The following HS3ST5 variants were observed in gnomAD, a reference collection of about 807,000 sequenced individuals.
The protein encoded by HS3ST5 is heparan sulfate glucosamine 3-O-sulfotransferase 5.
A neutral mutation model predicts 25.4 loss-of-function variants in HS3ST5; 10 were observed. The ratio of observed to expected loss-of-function variants is 0.39; its 90% CI spans 0.24 to 0.67. The LOEUF (loss-of-function observed/expected upper bound fraction) is 0.67. Ranked by LOEUF, HS3ST5 falls within the 30% of genes least tolerant of loss-of-function variation. The pLI is 0.44. For synonymous variants in HS3ST5, 170 were observed against 162.4 expected (o/e 1.05, Z -0.36); for missense variants, 324 against 420.7 (o/e 0.77, Z 2.01).
chr6:114,224,362 T>G (rs572946452), intron 2 of HS3ST5, among the ~76,000 whole-genome samples: 1 of 151,682 alleles, frequency 6.6e-6, no homozygotes. Context: ...TTGGGTAACT[T>G]CAAAATATAA....
intron 3 of HS3ST5, among the ~76,000 whole-genome samples, chr6:114,115,816 T>C (rs1776497240): frequency 6.6e-6 from 1 of 152,004 alleles, no homozygotes; most frequent in Admixed American, 6.6e-5. Context: ...TGGTGAAGGG[T>C]AAGTATTTTA....
intron 1 of HS3ST5, among the ~76,000 whole-genome samples, chr6:114,262,448 G>A (rs1167695356): frequency 2.0e-5 from 3 of 152,184 alleles, no homozygotes; most frequent in South Asian, 4.2e-4. Context: ...TTGGGAGGCT[G>A]AGGCAGGAGA....
In HS3ST5 at chr6:114,168,480, G is replaced by C. The variant is rs1053761543; in HGVS notation, c.-144-18C>G. ...TTTAGCACCTGGGGGTGGACAAGGAGGCAAAGTGATTTTCCAATTAAGTCT... is the reference window on the plus strand; with the variant it reads ...TTTAGCACCTGGGGGTGGACAAGGACGCAAAGTGATTTTCCAATTAAGTCT... On this transcript the variant is annotated intron_variant, in intron 2 of 4. Coordinates refer to ENST00000312719, the MANE Select transcript of HS3ST5 (RefSeq NM_153612.4). The C allele has an allele frequency of 6.6e-6, 1 of 152,222 alleles. No homozygotes were observed. Among genetic ancestry groups the C allele is most frequent in the Non-Finnish European group, 1.5e-5 (1 of 68,072 alleles). The allele number at this position is 152,222 out of a possible 1,614,324, so 9.4% of individuals were successfully genotyped here.
At chr6:114,066,607 T>A (rs1290910027) in intron 3 of HS3ST5, among the ~76,000 whole-genome samples, 1 of 152,106 alleles carries the variant, frequency 6.6e-6, no homozygotes, top group Non-Finnish European at 1.5e-5. Flanking sequence ...CACTCCAGCC[T>A]GGGTGACAGA....
intron 3 of HS3ST5, among the ~76,000 whole-genome samples, chr6:114,126,699 A>G (rs1777055180): frequency 6.6e-6 from 1 of 152,152 alleles, no homozygotes; most frequent in Non-Finnish European, 1.5e-5. Flanking sequence ...ACTCATCTGT[A>G]GAGTATTTCC....
At chr6:114,323,364 TG>T (rs1042290177) in intron 1 of HS3ST5, among the ~76,000 whole-genome samples, 2 of 152,048 alleles carry the variant, frequency 1.3e-5, no homozygotes, top group African/African-American at 4.8e-5. Context: ...TTTTATGTGT[TG>T]GGGGTGATAC....
At position 114,193,842 on chromosome 6, in the gene HS3ST5, AG is replaced by A. The variant is rs1162483951; in HGVS notation, c.-144-25381del. 9.8e-5 allele frequency among the ~76,000 whole-genome samples: 15 copies of A among 152,300 alleles called. 1 individual carries two copies. In the East Asian group the frequency reaches 2.9e-3, roughly 29 times the overall value. ...ATTATGGTTATACATTCCTTTGGAC[AG>A]GTACTCTCTTCTACAAATCAGAAAT... is the stretch of plus-strand genomic sequence containing the variant. On this transcript the variant is annotated intron_variant, in intron 2 of 4. Coordinates refer to ENST00000312719, the MANE Select transcript of HS3ST5 (RefSeq NM_153612.4).
chr6:114,294,301 G>A (rs1774715278), intron 1 of HS3ST5, among the ~76,000 whole-genome samples: 1 of 152,188 alleles, frequency 6.6e-6, no homozygotes, highest in South Asian at 2.1e-4. Flanking sequence ...TGTTTCTGAG[G>A]TATTCAGGCA....
At chr6:114,278,511 T>C (rs1196355870) in intron 1 of HS3ST5, among the ~76,000 whole-genome samples, 3 of 151,966 alleles carry the variant, frequency 2.0e-5, no homozygotes, top group African/African-American at 2.4e-5. Flanking sequence ...GGTCTTTTCA[T>C]ATTTATTTCT....
At chr6:114,183,192 T>A (rs1006047036) in intron 2 of HS3ST5, among the ~76,000 whole-genome samples, 6 of 152,274 alleles carry the variant, frequency 3.9e-5, no homozygotes, top group South Asian at 2.1e-4. Context: ...TCATCTTGAA[T>A]TGTAGCTCCC....
intron 1 of HS3ST5, among the ~76,000 whole-genome samples, chr6:114,341,258 A>AGAGAGAGAGAGAGAGAGT (rs1562281461): frequency 6.8e-6 from 1 of 147,846 alleles, no homozygotes; most frequent in African/African-American, 2.5e-5. Flanking sequence ...AGAGAGAGAG[A>AGAGAGAGAGAGAGAGAGT]GAGTGAGTCC....
At chr6:114,341,202 G>T (rs1562281348) in intron 1 of HS3ST5, among the ~76,000 whole-genome samples, 1 of 113,490 alleles carries the variant, frequency 8.8e-6, no homozygotes, top group Non-Finnish European at 1.9e-5. Flanking sequence ...GGGAGAGGGA[G>T]AGGGAATAGG....
intron 2 of HS3ST5, among the ~76,000 whole-genome samples, chr6:114,169,475 A>G (rs941515756): frequency 9.2e-5 from 14 of 152,112 alleles, no homozygotes; most frequent in African/African-American, 3.4e-4. Context: ...CAACCCCAAT[A>G]TTGCCCACAT....
intron 3 of HS3ST5, among the ~76,000 whole-genome samples, chr6:114,095,868 A>G (rs980967786): frequency 1.3e-5 from 2 of 152,086 alleles, no homozygotes; most frequent in Non-Finnish European, 2.9e-5. Context: ...GGTCCCTGTT[A>G]CATCTCTGGA....
At chr6:114,229,493 T>G (rs1320646838) in intron 1 of HS3ST5, among the ~76,000 whole-genome samples, 1 of 152,036 alleles carries the variant, frequency 6.6e-6, no homozygotes, top group Non-Finnish European at 1.5e-5. Context: ...AAACCCAGAG[T>G]ACACTGCATA....
chr6:114,073,236 G>T (rs1167707405), intron 3 of HS3ST5, among the ~76,000 whole-genome samples: 3 of 152,170 alleles, frequency 2.0e-5, no homozygotes, highest in Non-Finnish European at 4.4e-5. Context: ...CATGGGCAAA[G>T]ACTTCATGAC....
chr6:114,116,457 G>A (rs1776533773), intron 3 of HS3ST5, among the ~76,000 whole-genome samples: 1 of 152,078 alleles, frequency 6.6e-6, no homozygotes, highest in Non-Finnish European at 1.5e-5. Context: ...GTCTTTTCTT[G>A]CTTGGATTTT....
At chr6:114,244,695 T>G (rs954521321) in intron 1 of HS3ST5, among the ~76,000 whole-genome samples, 4 of 152,166 alleles carry the variant, frequency 2.6e-5, no homozygotes, top group African/African-American at 9.7e-5. Flanking sequence ...TCTGTTTCCC[T>G]TATAGTTATT....
chr6:114,113,543 A>G (rs1776372046), intron 3 of HS3ST5, among the ~76,000 whole-genome samples: 1 of 151,726 alleles, frequency 6.6e-6, no homozygotes, highest in Non-Finnish European at 1.5e-5. Flanking sequence ...CCTTCTTTCC[A>G]TTGATGTTTC....
Sources: allele counts gnomAD v4.1 joint callset (sites outside exome capture counted in the v4.1 genomes callset), GRCh38; gene constraint gnomAD v4.1.1; transcripts MANE v1.5; gene names NCBI Gene and HGNC (gene_info 2026-07-23, HGNC 2026-07-21).